ARHGEF28: variants seen among roughly 807,000 people sequenced by gnomAD.
The protein encoded by ARHGEF28 is Rho guanine nucleotide exchange factor 28, also known as 190 kDa guanine nucleotide exchange factor.
Under a neutral mutation model 206.6 loss-of-function variants are expected in ARHGEF28, and 152 were observed. The ratio of observed to expected loss-of-function variants is 0.74; its 90% CI spans 0.64 to 0.84. The LOEUF (loss-of-function observed/expected upper bound fraction) is 0.84, where lower values mean the gene tolerates loss of function less well. Among genes scored for constraint, ARHGEF28 ranks in the 40% least tolerant of loss-of-function variants. The pLI, the probability that ARHGEF28 is intolerant of heterozygous loss-of-function variation, is 0.00. For missense variants in ARHGEF28, 2,028 were observed against 2,073.2 expected (o/e 0.98, Z 0.42); for synonymous variants, 763 against 776.4 (o/e 0.98, Z 0.29).
rs536932401 is a variant in ARHGEF28 at position 73,873,084 on chromosome 5, G to C, written c.2652G>C (p.Gln884His). 6.2e-7 allele frequency: 1 copy of C among 1,613,592 alleles called. No individual in the cohort carries two copies. Among genetic ancestry groups the C allele is most frequent in the African/African-American group, 1.3e-5 (1 of 75,052 alleles). The change falls in exon 22 of 36, where the codon CAG becomes CAC. Residue 884 changes from glutamine to histidine, a missense_variant. By Grantham distance (24) the Gln-to-His change is conservative. This residue lies in a region of ARHGEF28 where 223 missense variants were observed against 289.9 expected (regional missense o/e 0.77). Coordinates refer to ENST00000513042, the MANE Select transcript of ARHGEF28 (RefSeq NM_001177693.2). ...IFRKGMKEEL[Q>H]LDHSTVDKIF... ...GGAAAGGCATGAAAGAGGAGCTGCA[G>C]CTGGACCACAGCACCGTGGATAAAA...
chr5:73,894,946 C>T (rs1761874122), intron 29 of ARHGEF28, among the ~76,000 whole-genome samples: 1 of 150,032 alleles, frequency 6.7e-6, no homozygotes, highest in Non-Finnish European at 1.5e-5. Context: ...ATGGCCGGCA[C>T]AAAGGTCCTG....
intron 14 of ARHGEF28, among the ~76,000 whole-genome samples, chr5:73,853,935 T>C (rs1758857893): frequency 6.6e-6 from 1 of 152,250 alleles, no homozygotes; most frequent in Non-Finnish European, 1.5e-5. Flanking sequence ...GCCAATGTTA[T>C]ACTTGGCTAA....
chr5:73,759,407 T>G (rs887437399), intron 4 of ARHGEF28, among the ~76,000 whole-genome samples: 1 of 152,234 alleles, frequency 6.6e-6, no homozygotes, highest in African/African-American at 2.4e-5. Context: ...GCTCTTACTA[T>G]GGAGAAGGGT....
At chr5:73,752,428 C>T (rs1752064406) in intron 3 of ARHGEF28, among the ~76,000 whole-genome samples, 1 of 152,108 alleles carries the variant, frequency 6.6e-6, no homozygotes, top group South Asian at 2.1e-4. Flanking sequence ...CTTCACCCAC[C>T]TTAACTCACA....
chr5:73,867,838 A>C, intron 18 of ARHGEF28, 38 bp from the exon 19 acceptor site: 5 of 1,613,026 alleles, frequency 3.1e-6, no homozygotes, highest in Non-Finnish European at 4.2e-6. Flanking sequence ...GTAATTACTG[A>C]CCTGGAAACC....
intron 23 of ARHGEF28, among the ~76,000 whole-genome samples, chr5:73,882,947 C>G (rs1363238703): frequency 6.6e-6 from 1 of 152,074 alleles, no homozygotes; most frequent in African/African-American, 2.4e-5. Context: ...AGATTCATGA[C>G]ATCATATAAT....
chr5:73,759,609 T>G (rs1179694992), intron 4 of ARHGEF28, among the ~76,000 whole-genome samples: 2 of 152,186 alleles, frequency 1.3e-5, no homozygotes, highest in Non-Finnish European at 2.9e-5. Context: ...TCCCCTAAAT[T>G]TATTATTATT....
At chr5:73,911,794 A>T in intron 35 of ARHGEF28, 1 of 528,622 alleles carries the variant, frequency 1.9e-6, no homozygotes, top group East Asian at 3.0e-5. Flanking sequence ...CATAGGGCTT[A>T]GAGAATGCTC....
chr5:73,870,113 C>T lies in ARHGEF28; in HGVS notation c.2470C>T (p.Gln824Ter). ...SLWSDLSSDA[Q>*]EFEAESWSLV... ...GTGGAGTGACCTCAGCAGTGATGCCCAGGAGTTTGAAGCAGAATCTTGGAG... is the reference window on the plus strand; with the variant it reads ...GTGGAGTGACCTCAGCAGTGATGCCTAGGAGTTTGAAGCAGAATCTTGGAG... The change falls in exon 21 of 36, where the codon CAG (glutamine) becomes TAG (stop). Residue 824 changes from glutamine (Q) to a stop codon, truncating the protein, a stop_gained. Transcript: ENST00000513042. LOFTEE classifies it high-confidence loss of function. 1 of 1,613,808 alleles carries T rather than the reference C, an allele frequency of 6.2e-7. No homozygotes were observed. The highest frequency in any genetic ancestry group is 8.5e-7 in the Non-Finnish European group (1 of 1,179,842).
chr5:73,888,956 A>G (rs1169154461), intron 26 of ARHGEF28, among the ~76,000 whole-genome samples: 1 of 152,242 alleles, frequency 6.6e-6, no homozygotes, highest in Non-Finnish European at 1.5e-5. Flanking sequence ...AACTGCATTC[A>G]TAAATGACAG....
chr5:73,927,192 C>T (rs1222658380), intron 35 of ARHGEF28, among the ~76,000 whole-genome samples: 1 of 149,034 alleles, frequency 6.7e-6, no homozygotes, highest in Non-Finnish European at 1.5e-5. Flanking sequence ...GAGAGCCCAT[C>T]ACTAAAAAAA....
rs145416079 is a variant in ARHGEF28, at chr5:73,857,773, A to G, written c.1908A>G (p.Lys636=). ...ATAGGATGACTAGCCCTCGGAATAA[A>G]TCAAAGGTAATTAAAGTGATTCACT... ...LMNRMTSPRN[K]SKTKSKDAKD... The change falls in exon 15 of 36, where the codon AAA becomes AAG. Residue 636 remains lysine, a synonymous_variant. Coordinates refer to ENST00000513042, the MANE Select transcript of ARHGEF28 (RefSeq NM_001177693.2). 1.6e-4 allele frequency: 262 copies of G among 1,611,722 alleles called. 1 individual carries two copies. The African/African-American group carries it at 2.6e-3, about 16-fold the overall frequency.
chr5:73,801,062 A>G (rs1237717830), intron 9 of ARHGEF28, among the ~76,000 whole-genome samples: 2 of 152,230 alleles, frequency 1.3e-5, no homozygotes, highest in Admixed American at 6.5e-5. Flanking sequence ...CTCTTCTTAT[A>G]TTAACCAAAA....
intron 2 of ARHGEF28, among the ~76,000 whole-genome samples, chr5:73,698,908 T>A (rs552699934): frequency 1.8e-3 from 268 of 151,866 alleles, no homozygotes; most frequent in African/African-American, 5.5e-3. Flanking sequence ...GGAGGGTTGC[T>A]GTGAGCCTGG....
rs954998954 is a variant in ARHGEF28, at chr5:73,692,240, A to AT, written c.33+7364dup. Reference sequence around the variant, plus strand: ...GTCAGAATTTGACTAATCCGTGGAGATTTTTTTTAACATCTGCAGAGGGTG... The same window carrying AT: ...GTCAGAATTTGACTAATCCGTGGAGATTTTTTTTTAACATCTGCAGAGGGTG... On this transcript the variant is annotated intron_variant, in intron 2 of 35. Coordinates refer to ENST00000513042, the MANE Select transcript of ARHGEF28 (RefSeq NM_001177693.2). Among the ~76,000 whole-genome samples, 14 of 151,882 alleles carry AT rather than the reference A, an allele frequency of 9.2e-5. 1 individual carries two copies. Among genetic ancestry groups the AT allele is most frequent in the African/African-American group, 3.1e-4 (13 of 41,436 alleles).
At chr5:73,853,973 T>G (rs1758859350) in intron 14 of ARHGEF28, among the ~76,000 whole-genome samples, 1 of 152,242 alleles carries the variant, frequency 6.6e-6, no homozygotes, top group South Asian at 2.1e-4. Context: ...ATTTTCACTT[T>G]GATGGCATCT....
chr5:73,751,023 CT>C (rs1340312138), intron 3 of ARHGEF28, among the ~76,000 whole-genome samples: 1 of 152,204 alleles, frequency 6.6e-6, no homozygotes, highest in Admixed American at 6.5e-5. Context: ...CTGAATTAAT[CT>C]GTTGTCCAAT....
intron 2 of ARHGEF28, among the ~76,000 whole-genome samples, chr5:73,742,987 T>C (rs1471582710): frequency 6.6e-6 from 1 of 152,204 alleles, no homozygotes; most frequent in African/African-American, 2.4e-5. Context: ...CATTTTCTTA[T>C]ATATTACACA....
chr5:73,910,010 CAT>C, intron 34 of ARHGEF28, 113 bp downstream of exon 34: 2 of 1,362,588 alleles, frequency 1.5e-6, no homozygotes, highest in Non-Finnish European at 1.9e-6. Flanking sequence ...AAGAAGACCT[CAT>C]GAGGATTTTT....
Sources: gnomAD v4.1 joint callset for allele counts (sites outside exome capture counted in the v4.1 genomes callset) on GRCh38, gnomAD v4.1.1 for gene constraint, gnomAD v4.1.1 regional missense constraint, MANE v1.5 for transcripts, NCBI Gene and HGNC (gene_info 2026-07-23, HGNC 2026-07-21) for gene names.